Variants in NEK6 observed in about 807,000 individuals in gnomAD.
The protein encoded by NEK6 is serine/threonine-protein kinase Nek6.
A neutral mutation model predicts 43.5 loss-of-function variants in NEK6; 27 were observed. The observed-to-expected ratio is 0.62, with a 90% confidence interval of 0.46 to 0.86. The LOEUF is 0.86. Ranked by LOEUF, NEK6 falls within the 40% of genes least tolerant of loss-of-function variation. NEK6 has a pLI of 0.00. For synonymous variants in NEK6, 167 were observed against 164.1 expected (o/e 1.02, Z -0.14); for missense variants, 318 against 414.4 (o/e 0.77, Z 2.02).
At chr9:124,258,738 A>G (rs1309649719) in intron 1 of NEK6, among the ~76,000 whole-genome samples, 1 of 152,170 alleles carries the variant, frequency 6.6e-6, no homozygotes, top group Non-Finnish European at 1.5e-5. Flanking sequence ...GATCCGGTGA[A>G]CCAGGGGCCA....
chr9:124,298,128 A>G (rs564655065), intron 1 of NEK6, among the ~76,000 whole-genome samples: 47 of 152,300 alleles, frequency 3.1e-4, no homozygotes, highest in African/African-American at 8.9e-4. Context: ...TTCCCCATCT[A>G]TAAAATGGGT....
chr9:124,321,725 A>C (rs1834075616), intron 5 of NEK6, among the ~76,000 whole-genome samples, 156 bp downstream of exon 5: 1 of 152,240 alleles, frequency 6.6e-6, no homozygotes, highest in Non-Finnish European at 1.5e-5. Context: ...CACAGGCCTC[A>C]GCTGCAGTCT....
chr9:124,306,522 C>T (rs1442991578), intron 2 of NEK6, among the ~76,000 whole-genome samples: 1 of 152,148 alleles, frequency 6.6e-6, no homozygotes, highest in Non-Finnish European at 1.5e-5. Flanking sequence ...GGACTCATCT[C>T]ACTTAGTACT....
chr9:124,257,914 G>A, upstream of NEK6: 5 of 966,218 alleles, frequency 5.2e-6, no homozygotes, highest in African/African-American at 3.5e-5. Context: ...CCGCGGCGGG[G>A]AGGGGCGGGC....
chr9:124,279,062 T>C (rs1428265442), intron 1 of NEK6, among the ~76,000 whole-genome samples: 1 of 151,546 alleles, frequency 6.6e-6, no homozygotes, highest in Non-Finnish European at 1.5e-5. Flanking sequence ...ATAGGTGGAG[T>C]GTCCCATATT....
At chr9:124,337,717 G>A (rs1829364529) in intron 7 of NEK6, among the ~76,000 whole-genome samples, 1 of 152,154 alleles carries the variant, frequency 6.6e-6, no homozygotes, top group Admixed American at 6.5e-5. Flanking sequence ...ATTCTTGATT[G>A]TGTCTTTTGA....
At chr9:124,341,831 C>CAG (rs1192197769) in intron 8 of NEK6, among the ~76,000 whole-genome samples, 1 of 152,196 alleles carries the variant, frequency 6.6e-6, no homozygotes. Context: ...AGTCCAAACT[C>CAG]TTCTGAGACA....
At position 124,350,822 on chromosome 9, in the gene NEK6, T is replaced by TTCTC. The variant is rs765113270; in HGVS notation, c.832-12_832-9dup. 2.5e-6 allele frequency: 4 copies of TTCTC among 1,590,800 alleles called. No homozygotes were observed. The highest frequency in any genetic ancestry group is 3.4e-6 in the Non-Finnish European group (4 of 1,160,428). ...CTGCTTTCTTGAGAATAACACACCATTCTCTCCCCTGCAGTTACGAGAACT... is the reference window on the plus strand; with the variant it reads ...CTGCTTTCTTGAGAATAACACACCATTCTCTCTCTCCCCTGCAGTTACGAGAACT... On this transcript the variant is annotated splice_polypyrimidine_tract_variant and intron_variant, in intron 9 of 9. Coordinates refer to ENST00000320246, the MANE Select transcript of NEK6 (RefSeq NM_014397.6).
chr9:124,279,891 C>G (rs2900220), intron 1 of NEK6, among the ~76,000 whole-genome samples: 91,494 of 152,164 alleles, frequency 0.6, 27,882 homozygotes, highest in East Asian at 0.79. Flanking sequence ...GGCCTTCTCT[C>G]TCTTGTCCAC....
intron 1 of NEK6, chr9:124,292,415 G>A (rs1452652637): frequency 1.3e-6 from 2 of 1,534,156 alleles, no homozygotes; most frequent in Admixed American, 2.0e-5. Flanking sequence ...TTTCTCTAGG[G>A]TGGGTTTTGT....
intron 2 of NEK6, 71 bp from the exon 3 acceptor site, chr9:124,312,438 C>T: frequency 6.6e-7 from 1 of 1,513,232 alleles, no homozygotes; most frequent in South Asian, 1.3e-5. Flanking sequence ...GGGTGCTGGG[C>T]CTCTAGGGGT....
intron 1 of NEK6, among the ~76,000 whole-genome samples, chr9:124,266,789 A>G (rs1831247156): frequency 6.6e-6 from 1 of 152,246 alleles, no homozygotes; most frequent in African/African-American, 2.4e-5. Flanking sequence ...TATGGAGTGA[A>G]CGAATCTGTT....
At chr9:124,323,130 C>T (rs756821938) in intron 5 of NEK6, among the ~76,000 whole-genome samples, 1 of 152,216 alleles carries the variant, frequency 6.6e-6, no homozygotes, top group Non-Finnish European at 1.5e-5. Context: ...GGCTCCTGCC[C>T]TCAGGGATCC....
chr9:124,263,563 A>G (rs146863920), intron 1 of NEK6, among the ~76,000 whole-genome samples: 81 of 152,358 alleles, frequency 5.3e-4, no homozygotes, highest in African/African-American at 1.3e-3. Context: ...TCATTCCCCA[A>G]GATTACATGA....
At chr9:124,331,909 G>A (rs150345000) in intron 7 of NEK6, among the ~76,000 whole-genome samples, 222 of 152,364 alleles carry the variant, frequency 1.5e-3, no homozygotes, top group Non-Finnish European at 2.5e-3. Context: ...GGATGCCTGG[G>A]AATGATCCTG....
chr9:124,257,715 G>A (rs913978824), upstream of NEK6: 30 of 1,533,566 alleles, frequency 2.0e-5, no homozygotes, highest in African/African-American at 3.8e-4. Flanking sequence ...ACGCCGGCCT[G>A]CGCCCTGTGA....
intron 1 of NEK6, among the ~76,000 whole-genome samples, chr9:124,277,836 C>T (rs1831710216): frequency 6.6e-6 from 1 of 152,324 alleles, no homozygotes; most frequent in Admixed American, 6.5e-5. Context: ...TCCAGGCTGC[C>T]TCGTGAATCT....
At chr9:124,332,638 C>T (rs1829065017) in intron 7 of NEK6, among the ~76,000 whole-genome samples, 1 of 152,228 alleles carries the variant, frequency 6.6e-6, no homozygotes, top group Non-Finnish European at 1.5e-5. Flanking sequence ...AGCTTGCAGA[C>T]ACCAGCCTCC....
At chr9:124,272,685 A>G (rs1425381765) in intron 1 of NEK6, among the ~76,000 whole-genome samples, 2 of 152,100 alleles carry the variant, frequency 1.3e-5, no homozygotes, top group Admixed American at 1.3e-4. Context: ...GCTCCCCCTA[A>G]CGCTGCTGGT....
Sources: gnomAD v4.1 joint callset for allele counts (sites outside exome capture counted in the v4.1 genomes callset) on GRCh38, gnomAD v4.1.1 for gene constraint, MANE v1.5 for transcripts, NCBI Gene and HGNC (gene_info 2026-07-23, HGNC 2026-07-21) for gene names.